The following NRXN1 variants were observed in gnomAD, a reference collection of about 807,000 sequenced individuals.
The protein encoded by NRXN1 is neurexin 1, also known as neurexin-1.
In NRXN1, 39 loss-of-function variants were observed where a neutral mutation model predicts 150.9. The ratio of observed to expected loss-of-function variants is 0.26; its 90% CI spans 0.20 to 0.34. NRXN1 has a LOEUF of 0.34. Ranked by LOEUF, NRXN1 falls within the 10% of genes least tolerant of loss-of-function variation. NRXN1 has a pLI of 1.00. For synonymous variants in NRXN1, 924 were observed against 757.0 expected, an observed-to-expected ratio of 1.22 and a Z score of -3.62; for missense variants, 1,815 against 1,949.9, an observed-to-expected ratio of 0.93 and a Z score of 1.30.
intron 18 of NRXN1, among the ~76,000 whole-genome samples, chr2:50,198,241 G>C (rs1336452562): frequency 6.6e-6 from 1 of 152,112 alleles, no homozygotes; most frequent in Non-Finnish European, 1.5e-5. Context: ...TGCAAACTTA[G>C]ATTGTTAGGA....
chr2:50,360,382 C>A (rs2079104963), intron 17 of NRXN1, among the ~76,000 whole-genome samples: 1 of 152,168 alleles, frequency 6.6e-6, no homozygotes, highest in South Asian at 2.1e-4. Flanking sequence ...TACACAGACA[C>A]ATATAGGCTC....
chr2:50,924,561 G>A (rs937656264), intron 3 of NRXN1, among the ~76,000 whole-genome samples: 4 of 151,624 alleles, frequency 2.6e-5, no homozygotes, highest in African/African-American at 4.8e-5. Context: ...AAACTCAGTT[G>A]ACATGCACAA....
intron 2 of NRXN1, among the ~76,000 whole-genome samples, chr2:50,947,597 C>G (rs909663620): frequency 1.3e-5 from 2 of 151,802 alleles, no homozygotes; most frequent in Non-Finnish European, 2.9e-5. Context: ...AATTATAGAG[C>G]TTAGATTATA....
chr2:50,002,000 A>T (rs1684019794), intron 21 of NRXN1, among the ~76,000 whole-genome samples: 1 of 151,986 alleles, frequency 6.6e-6, no homozygotes, highest in African/African-American at 2.4e-5. Context: ...GGCAGCCTCT[A>T]AGAGTTGAGG....
chr2:50,238,086 T>C lies in NRXN1; in HGVS notation c.3365-1116A>G, dbSNP rs553454595. 7.2e-5 allele frequency among the ~76,000 whole-genome samples: 11 copies of C among 152,156 alleles called. No individual in the cohort carries two copies. The South Asian group carries it at 1.9e-3, about 26-fold the overall frequency. Reference sequence around the variant, plus strand: ...AACTGTGAGTCAATTAAACCTCTTTTCTTTATCAATTACCCAGTCTCAGGG... The same window carrying C: ...AACTGTGAGTCAATTAAACCTCTTTCCTTTATCAATTACCCAGTCTCAGGG... On this transcript the variant is annotated intron_variant, in intron 17 of 22. Transcript: ENST00000401669.
intron 2 of NRXN1, among the ~76,000 whole-genome samples, chr2:50,933,033 G>GA (rs1420470701): frequency 2.0e-5 from 3 of 151,426 alleles, no homozygotes; most frequent in Non-Finnish European, 2.9e-5. Context: ...GCTTCCTCAA[G>GA]AAAAAACAAA....
intron 17 of NRXN1, among the ~76,000 whole-genome samples, chr2:50,290,489 A>G (rs773133730): frequency 6.6e-6 from 1 of 152,180 alleles, no homozygotes; most frequent in Non-Finnish European, 1.5e-5. Flanking sequence ...CTTTATTGTA[A>G]TCATTAAATT....
At chr2:50,713,053 C>T (rs1241941096) in intron 5 of NRXN1, among the ~76,000 whole-genome samples, 1 of 152,154 alleles carries the variant, frequency 6.6e-6, no homozygotes, top group Non-Finnish European at 1.5e-5. Context: ...TGGCTCACTC[C>T]TGTAATCTCA....
intron 2 of NRXN1, among the ~76,000 whole-genome samples, chr2:50,976,860 G>A (rs1695925555): frequency 6.6e-6 from 1 of 151,972 alleles, no homozygotes; most frequent in Admixed American, 6.6e-5. Flanking sequence ...GCATGCTTGG[G>A]ATTCATATTA....
intron 5 of NRXN1, among the ~76,000 whole-genome samples, chr2:50,696,954 C>A (rs1692986491): frequency 6.6e-6 from 1 of 152,084 alleles, no homozygotes; most frequent in African/African-American, 2.4e-5. Flanking sequence ...TTGTTAATTT[C>A]CACTTTTGTT....
At chr2:50,534,691 AC>A (rs1405411851) in intron 10 of NRXN1, among the ~76,000 whole-genome samples, 1 of 152,192 alleles carries the variant, frequency 6.6e-6, no homozygotes, top group African/African-American at 2.4e-5. Context: ...GTGTTCAGTT[AC>A]TTTGGTTTCA....
intron 2 of NRXN1, among the ~76,000 whole-genome samples, chr2:50,952,406 A>G (rs749066693): frequency 3.7e-4 from 57 of 152,252 alleles, no homozygotes; most frequent in Non-Finnish European, 7.3e-4. Context: ...AGAGAATTCT[A>G]CAATGTAAAA....
At chr2:50,196,974 G>C (rs2061814139) in intron 18 of NRXN1, among the ~76,000 whole-genome samples, 1 of 152,050 alleles carries the variant, frequency 6.6e-6, no homozygotes, top group Non-Finnish European at 1.5e-5. Flanking sequence ...TTAACAGCTT[G>C]GTGATTAAAT....
intron 5 of NRXN1, among the ~76,000 whole-genome samples, chr2:50,657,997 C>A (rs1686740000): frequency 6.6e-6 from 1 of 151,938 alleles, no homozygotes; most frequent in African/African-American, 2.4e-5. Context: ...TTCTTTCCAC[C>A]CTCAAAAGAG....
intron 17 of NRXN1, among the ~76,000 whole-genome samples, chr2:50,368,849 G>A (rs186572674): frequency 3.3e-5 from 5 of 152,038 alleles, no homozygotes; most frequent in Admixed American, 3.3e-4. Flanking sequence ...TGGGGGTTTG[G>A]AACTAACCTA....
At chr2:50,175,555 G>T in intron 18 of NRXN1, among the ~76,000 whole-genome samples, 1 of 151,122 alleles carries the variant, frequency 6.6e-6, no homozygotes, top group South Asian at 2.1e-4. Flanking sequence ...AGATTTTTTG[G>T]TTATTATACA....
chr2:50,630,627 T>A (rs755179409), intron 5 of NRXN1, among the ~76,000 whole-genome samples: 2 of 151,762 alleles, frequency 1.3e-5, no homozygotes, highest in Non-Finnish European at 3.0e-5. Context: ...GCCAAAAAAC[T>A]AGCCAATATT....
intron 21 of NRXN1, among the ~76,000 whole-genome samples, chr2:49,968,124 C>T (rs1446056377): frequency 1.4e-5 from 2 of 145,154 alleles, no homozygotes; most frequent in Non-Finnish European, 3.0e-5. Flanking sequence ...ACTCACCTAC[C>T]CACTCCATCC....
intron 5 of NRXN1, among the ~76,000 whole-genome samples, chr2:50,790,990 G>A (rs564847429): frequency 1.5e-4 from 23 of 151,808 alleles, no homozygotes; most frequent in Non-Finnish European, 3.2e-4. Context: ...ACCTGTACTA[G>A]TAGCTGATTT....
Sources: allele counts gnomAD v4.1 joint callset (sites outside exome capture counted in the v4.1 genomes callset), GRCh38; gene constraint gnomAD v4.1.1; transcripts MANE v1.5; gene names NCBI Gene and HGNC (gene_info 2026-07-23, HGNC 2026-07-21).